The following RGPD8 variants were observed in gnomAD, a reference collection of about 807,000 sequenced individuals.
The protein encoded by RGPD8 is RANBP2 like and GRIP domain containing 8.
A neutral mutation model predicts 89.1 loss-of-function variants in RGPD8; 15 were observed. That is an observed-to-expected ratio of 0.17 (90% CI 0.11 to 0.26). RGPD8 has a LOEUF of 0.26. RGPD8 is among the 10% of genes least tolerant of loss of function. RGPD8 has a pLI of 1.00. For missense variants in RGPD8, 178 were observed against 1,179.6 expected (o/e 0.15, Z 12.44); for synonymous variants, 62 against 420.9 (o/e 0.15, Z 10.44).
chr2:112,410,955 T>C (rs1365742458), intron 7 of RGPD8, among the ~76,000 whole-genome samples: 3 of 152,268 alleles, frequency 2.0e-5, no homozygotes, highest in Non-Finnish European at 2.9e-5. Flanking sequence ...CGTGGTGGCG[T>C]GTGCCTGTAA....
In RGPD8 at chr2:112,377,307, G is replaced by A. The variant is rs1678150267; in HGVS notation, c.5263+746C>T. Among the ~76,000 whole-genome samples, 2 of 94,342 alleles carry A rather than the reference G, an allele frequency of 2.1e-5. 1 individual carries two copies. Among genetic ancestry groups the A allele is most frequent in the Non-Finnish European group, 4.5e-5 (2 of 44,746 alleles). The allele number at this position is 94,342 out of a possible 152,430, so 61.9% of individuals were successfully genotyped here. On this transcript the variant is annotated intron_variant, in intron 22 of 22. Coordinates refer to ENST00000302558, the MANE Select transcript of RGPD8 (RefSeq NM_001164463.1). ...TTTTTTTTTTTTTTTTTTTGAGATG[G>A]AGTCTCGCTCTGCCGTCAGGCTGGA...
At chr2:112,428,330 G>A (rs1335711578) in intron 1 of RGPD8, among the ~76,000 whole-genome samples, 2 of 149,442 alleles carry the variant, frequency 1.3e-5, no homozygotes, top group Non-Finnish European at 1.5e-5. Context: ...CTGTAATCCC[G>A]CTACTCGGGA....
intron 1 of RGPD8, among the ~76,000 whole-genome samples, chr2:112,427,356 T>C (rs1679814251): frequency 6.6e-6 from 1 of 152,218 alleles, no homozygotes; most frequent in Non-Finnish European, 1.5e-5. Flanking sequence ...AGCAGACAAA[T>C]GCCTTGTTTA....
chr2:112,422,768 G>A (rs1169034055), intron 2 of RGPD8, 109 bp from the exon 3 acceptor site: 31 of 545,232 alleles, frequency 5.7e-5, no homozygotes, highest in East Asian at 4.2e-4. Flanking sequence ...CGTTTATATT[G>A]TTACTCAAAA....
intron 21 of RGPD8, among the ~76,000 whole-genome samples, chr2:112,379,400 T>C (rs1678201820): frequency 6.6e-6 from 1 of 150,664 alleles, no homozygotes; most frequent in Non-Finnish European, 1.5e-5. Context: ...ATTCAGACTG[T>C]CCTGGCCAAC....
Position 112,422,094 on chromosome 2 carries a change from G to A in RGPD8, c.271C>T (p.Pro91Ser), listed in dbSNP as rs1369419755. 63 of 68,766 alleles carry A rather than the reference G, an allele frequency of 9.2e-4. No individual in the cohort carries two copies. The highest frequency in any genetic ancestry group is 9.1e-3 in the Middle Eastern group (3 of 330). 4.3% of individuals were successfully genotyped at this position (68,766 alleles called of 1,614,324 possible). Residue 91 changes from proline (P) to serine (S), a missense_variant, in exon 4 of 23, where the codon CCA (proline) becomes TCA (serine). Pro to Ser is a moderately conservative substitution (Grantham distance 74). Transcript: ENST00000302558. ...ECYRRSVELN[P>S]TQKDLVLKIA... ...TTCAACACAAGATCTTTTTGTGTTG[G>A]GTTTAATTCCACTGAACGCTAATAT... is the stretch of plus-strand genomic sequence containing the variant.
rs1292439147 is a variant in RGPD8, at chr2:112,390,049, T to C, written c.2896A>G (p.Ser966Gly). 1.3e-6 allele frequency: 2 copies of C among 1,576,634 alleles called. No homozygotes were observed. The highest frequency in any genetic ancestry group is 1.7e-5 in the Admixed American group (1 of 58,610). Residue 966 changes from serine to glycine, a missense_variant, in exon 20 of 23, where the codon AGT becomes GGT. Ser to Gly is a moderately conservative substitution (Grantham distance 56, BLOSUM62 0). Transcript: ENST00000302558. ...KGRGVIFGQTSSTFTFADVAK... is the reference protein window; with the variant it reads ...KGRGVIFGQTGSTFTFADVAK... ...ACATCTGCAAATGTAAAAGTGCTAC[T>C]TGTTTGGCCAAAAATCACACCACGG...
intron 22 of RGPD8, among the ~76,000 whole-genome samples, chr2:112,371,694 C>G (rs1677969064): frequency 2.9e-5 from 2 of 67,868 alleles, no homozygotes; most frequent in African/African-American, 1.2e-4. Flanking sequence ...GCATAATTCA[C>G]TGGTTTTTAA....
chr2:112,377,200 A>G (rs1678145947), intron 22 of RGPD8, among the ~76,000 whole-genome samples: 1 of 77,006 alleles, frequency 1.3e-5, no homozygotes, highest in East Asian at 4.6e-4. Flanking sequence ...TAGCAGTTGT[A>G]TATGAAGCAT....
intron 1 of RGPD8, 26 bp downstream of exon 1, chr2:112,433,356 C>T (rs771768525): frequency 1.2e-6 from 2 of 1,602,522 alleles, no homozygotes; most frequent in East Asian, 2.3e-5. Context: ...GGGTCGAGGC[C>T]GCCGCTCTCT....
intron 7 of RGPD8, among the ~76,000 whole-genome samples, chr2:112,408,283 ATAAC>A (rs1488650444): frequency 1.1e-4 from 1 of 8,840 alleles, no homozygotes; most frequent in African/African-American, 4.7e-4. Context: ...GAGAAAGTAA[ATAAC>A]TAGGGAACAG....
intron 1 of RGPD8, 32 bp downstream of exon 1, chr2:112,433,350 C>A (rs756935022): frequency 8.8e-6 from 14 of 1,597,814 alleles, no homozygotes; most frequent in African/African-American, 1.4e-5. Context: ...CCGGCCGGGT[C>A]GAGGCCGCCG....
At chr2:112,433,268 G>T (rs542844120) in intron 1 of RGPD8, 114 bp downstream of exon 1, 2 of 1,132,782 alleles carry the variant, frequency 1.8e-6, no homozygotes, top group African/African-American at 3.5e-5. Context: ...GCGCCAGGGA[G>T]CAGCGCCCGT....
Position 112,433,390 on chromosome 2 carries a change from G to T in RGPD8, c.64C>A (p.Pro22Thr). ...VASVLGLTPS[P>T]RQKSMKGFYF... Reference sequence around the variant, plus strand: ...CTTCCAGACCCACTCACCTGTCGAGGCGACGGGGTGAGACCCAGCACCGAG... The same window carrying T: ...CTTCCAGACCCACTCACCTGTCGAGTCGACGGGGTGAGACCCAGCACCGAG... The change falls in exon 1 of 23, where the codon CCT becomes ACT. Residue 22 changes from proline to threonine, a missense_variant. Transcript: ENST00000302558. 6.2e-7 allele frequency: 1 copy of T among 1,610,088 alleles called. No homozygotes were observed. Among genetic ancestry groups the T allele is most frequent in the Non-Finnish European group, 8.5e-7 (1 of 1,178,932 alleles).
intron 4 of RGPD8, among the ~76,000 whole-genome samples, chr2:112,421,003 T>C (rs1251616882): frequency 2.0e-5 from 3 of 152,300 alleles, no homozygotes; most frequent in Admixed American, 1.3e-4. Flanking sequence ...ACTTAGCAGA[T>C]AGAGCATCCC....
In RGPD8 at chr2:112,390,142, T is replaced by C. The variant is rs1409787795; in HGVS notation, c.2803A>G (p.Lys935Glu). The change falls in exon 20 of 23, where the codon AAA (lysine) becomes GAA (glutamate). Residue 935 changes from lysine (K) to glutamate (E), a missense_variant. By Grantham distance (56) the Lys-to-Glu change is moderately conservative (BLOSUM62 1). Transcript: ENST00000302558. Reference protein sequence around the residue: ...GISEPGNQEKKREKPLENDTG... With the variant: ...GISEPGNQEKEREKPLENDTG... ...TCATTTTCAAGAGGCTTTTCCCTTTTCTTTTCTTGATTTCCTGGTTCCGAA... is the reference window on the plus strand; with the variant it reads ...TCATTTTCAAGAGGCTTTTCCCTTTCCTTTTCTTGATTTCCTGGTTCCGAA... The C allele has an allele frequency of 1.9e-6, 3 of 1,602,742 alleles. No homozygotes were observed. The highest frequency in any genetic ancestry group is 4.5e-5 in the East Asian group (2 of 44,864).
chr2:112,417,382 G>A (rs1679462396), intron 5 of RGPD8, 44 bp from the exon 6 acceptor site: 2 of 1,600,206 alleles, frequency 1.2e-6, no homozygotes, highest in Non-Finnish European at 8.5e-7. Flanking sequence ...TTAATCAAGT[G>A]TTAAGTAATT....
At chr2:112,432,946 G>C (rs1680115359) in intron 1 of RGPD8, among the ~76,000 whole-genome samples, 1 of 143,716 alleles carries the variant, frequency 7.0e-6, no homozygotes, top group African/African-American at 2.5e-5. Context: ...CTGACCCATC[G>C]AGGCCGCCGC....
intron 1 of RGPD8, among the ~76,000 whole-genome samples, chr2:112,427,377 G>A (rs1199278423): frequency 1.3e-5 from 2 of 152,142 alleles, no homozygotes. Context: ...AAGATATACA[G>A]CTAGAAAGGA....
Sources: gnomAD v4.1 joint callset for allele counts (sites outside exome capture counted in the v4.1 genomes callset) on GRCh38, gnomAD v4.1.1 for gene constraint, MANE v1.5 for transcripts, NCBI Gene and HGNC (gene_info 2026-07-23, HGNC 2026-07-21) for gene names.